The following HTR2C variants were observed in gnomAD, a reference collection of about 807,000 sequenced individuals.
The protein encoded by HTR2C is 5-hydroxytryptamine receptor 2C, also known as 5-hydroxytryptamine (serotonin) receptor 2C, G protein-coupled.
HTR2C carries 5 observed loss-of-function variants against 21.0 expected under a neutral mutation model. The observed-to-expected ratio is 0.24, with a 90% CI of 0.12 to 0.50. The LOEUF is 0.50. Among genes scored for constraint, HTR2C ranks in the 20% least tolerant of loss-of-function variants. The pLI is 0.98. For synonymous variants in HTR2C, 150 were observed against 145.3 expected (o/e 1.03, Z -0.23); for missense variants, 271 against 371.2 (o/e 0.73, Z 2.22).
chrX:114,589,482 T>A (rs1927541366), intron 1 of HTR2C: 1 of 117,453 alleles, frequency 8.5e-6, no homozygotes, highest in Non-Finnish European at 1.7e-5. Flanking sequence ...CAAAGGCCAT[T>A]CATATTTGTC....
At chrX:114,651,599 A>G (rs1930576740) in intron 2 of HTR2C, 1 of 125,324 alleles carries the variant, frequency 8.0e-6, no homozygotes, top group Non-Finnish European at 1.9e-5. Context: ...TACCCAGAGC[A>G]TGCAGTGTGA....
At chrX:114,632,140 T>C (rs1211219399) in intron 2 of HTR2C, among the ~76,000 whole-genome samples, 2 of 112,515 alleles carry the variant, frequency 1.8e-5, no homozygotes, top group African/African-American at 6.5e-5. Context: ...TAGCACTGTA[T>C]AAAACAAGGT....
At chrX:114,745,251 A>C (rs1234657656) in intron 4 of HTR2C, among the ~76,000 whole-genome samples, 5 of 112,298 alleles carry the variant, frequency 4.5e-5, no homozygotes, top group African/African-American at 6.5e-5. Flanking sequence ...ATTAAACTAC[A>C]ATCTCGCCCC....
At chrX:114,885,658 T>C (rs1161802159) in intron 5 of HTR2C, among the ~76,000 whole-genome samples, 3 of 111,913 alleles carry the variant, frequency 2.7e-5, no homozygotes, top group Non-Finnish European at 5.7e-5. Flanking sequence ...CTTGTTTTAA[T>C]GTATACTTTT....
chrX:114,595,993 AT>A (rs1345458493), intron 1 of HTR2C, among the ~76,000 whole-genome samples: 2 of 111,583 alleles, frequency 1.8e-5, no homozygotes, highest in African/African-American at 3.3e-5. Flanking sequence ...TATTAGCCCT[AT>A]CCCTTTCACA....
chrX:114,790,920 T>C (rs2070224843), intron 4 of HTR2C, among the ~76,000 whole-genome samples: 1 of 110,453 alleles, frequency 9.1e-6, no homozygotes, highest in South Asian at 3.7e-4. Context: ...ATTTTTAAAA[T>C]AAGCAAATGA....
rs1206721262 is a variant in HTR2C, at chrX:114,878,547, A to C, written c.551-28042A>C. 2.7e-5 allele frequency among the ~76,000 whole-genome samples: 3 copies of C among 110,748 alleles called. No individual in the cohort carries two copies. In the Admixed American group the frequency reaches 2.9e-4, roughly 11 times the overall value. ...TTTTGACTTTTATTTAATTCCAGAT[A>C]ATTTCTAATTTCCCTTGTGATTGCC... On this transcript the variant is annotated intron_variant, in intron 5 of 5. Transcript: ENST00000276198.
At chrX:114,840,532 A>G (rs1297464058) in intron 4 of HTR2C, among the ~76,000 whole-genome samples, 2 of 111,543 alleles carry the variant, frequency 1.8e-5, no homozygotes, top group African/African-American at 6.5e-5. Context: ...AATCTGTGAA[A>G]CAATATCAAA....
chrX:114,756,633 A>C (rs1254158773), intron 4 of HTR2C, among the ~76,000 whole-genome samples: 1 of 112,377 alleles, frequency 8.9e-6, no homozygotes, highest in Non-Finnish European at 1.9e-5. Context: ...TGACAAAATT[A>C]TAGAAATAGA....
At chrX:114,662,758 C>T (rs1350848766) in intron 2 of HTR2C, among the ~76,000 whole-genome samples, 8 of 111,277 alleles carry the variant, frequency 7.2e-5, no homozygotes, top group African/African-American at 2.3e-4. Flanking sequence ...TTGAAATTAT[C>T]AGTGAATCAG....
chrX:114,652,790 A>G, intron 2 of HTR2C: 2 of 280,985 alleles, frequency 7.1e-6, no homozygotes, highest in East Asian at 1.9e-4. Context: ...ATATAAGGAG[A>G]ATGCACAAGT....
At chrX:114,895,217 G>A (rs922365820) in intron 5 of HTR2C, among the ~76,000 whole-genome samples, 1 of 111,726 alleles carries the variant, frequency 9.0e-6, no homozygotes, top group Non-Finnish European at 1.9e-5. Context: ...AAAGTGTTGT[G>A]GAGTTATGCC....
intron 1 of HTR2C, among the ~76,000 whole-genome samples, chrX:114,587,080 T>C (rs1313739030): frequency 8.9e-6 from 1 of 111,919 alleles, no homozygotes; most frequent in South Asian, 3.7e-4. Flanking sequence ...TCCATGTATT[T>C]CCTTCAAGGA....
intron 4 of HTR2C, among the ~76,000 whole-genome samples, chrX:114,750,899 T>A (rs5988125): frequency 0.048 from 5,306 of 111,480 alleles, 323 homozygotes; most frequent in African/African-American, 0.16. Flanking sequence ...AGTAAGTTCA[T>A]ACACATAAAA....
chrX:114,701,902 A>G (rs1354980621), intron 2 of HTR2C, among the ~76,000 whole-genome samples: 1 of 112,392 alleles, frequency 8.9e-6, no homozygotes, highest in East Asian at 2.8e-4. Flanking sequence ...CTCAAGAACT[A>G]CGTGAAGAAT....
chrX:114,906,430 C>T (rs1453780986), intron 5 of HTR2C, among the ~76,000 whole-genome samples, 159 bp from the exon 6 acceptor site: 2 of 111,857 alleles, frequency 1.8e-5, no homozygotes, highest in Admixed American at 1.9e-4. Flanking sequence ...TGCCATACTG[C>T]TAGTGTTTCA....
At chrX:114,764,954 A>G (rs5988127) in intron 4 of HTR2C, among the ~76,000 whole-genome samples, 590 of 55,761 alleles carry the variant, frequency 0.011, 1 homozygote, top group African/African-American at 0.036. Flanking sequence ...CCTTCCTTCT[A>G]TCTTTCTTCC....
At chrX:114,747,634 A>C (rs782445430) in intron 4 of HTR2C, among the ~76,000 whole-genome samples, 35 of 112,299 alleles carry the variant, frequency 3.1e-4, no homozygotes, top group Middle Eastern at 9.2e-3. Context: ...GTTATAAAAG[A>C]CTGTGACTTC....
chrX:114,803,176 A>G (rs1319434171), intron 4 of HTR2C, among the ~76,000 whole-genome samples: 1 of 96,544 alleles, frequency 1.0e-5, no homozygotes, highest in Non-Finnish European at 2.1e-5. Context: ...ATTGTGAATA[A>G]TGCCGCAATA....
Sources: gnomAD v4.1 joint callset for allele counts (sites outside exome capture counted in the v4.1 genomes callset) on GRCh38, gnomAD v4.1.1 for gene constraint, MANE v1.5 for transcripts, NCBI Gene and HGNC (gene_info 2026-07-23, HGNC 2026-07-21) for gene names.